Variants in ASB5 observed in about 807,000 individuals in gnomAD.
ASB5 encodes ankyrin repeat and SOCS box protein 5.
ASB5 carries 45 observed loss-of-function variants against 42.1 expected under a neutral mutation model. That is an observed-to-expected ratio of 1.07 (90% CI 0.84 to 1.37). The LOEUF is 1.37. Ranked by LOEUF, ASB5 falls within the 40% of genes most tolerant of loss-of-function variation. The probability of loss-of-function intolerance (pLI) is 0.00; values close to 1 mark genes in which losing one functional copy is unlikely to be tolerated. For synonymous variants in ASB5, 147 were observed against 150.6 expected (o/e 0.98, Z 0.18); for missense variants, 402 against 399.8 (o/e 1.01, Z -0.05).
At chr4:176,264,858 C>T (rs769566768) in intron 1 of ASB5, among the ~76,000 whole-genome samples, 2 of 152,096 alleles carry the variant, frequency 1.3e-5, no homozygotes, top group Non-Finnish European at 2.9e-5. Context: ...ATGCTATTTA[C>T]AGGCATCATC....
Position 176,217,028 on chromosome 4 carries a change from GAAGAT to G in ASB5, c.671-24_671-20del, listed in dbSNP as rs1752991168. 3 of 1,551,886 alleles carry G rather than the reference GAAGAT, an allele frequency of 1.9e-6. No individual in the cohort carries two copies. Among genetic ancestry groups the G allele is most frequent in the Non-Finnish European group, 2.6e-6 (3 of 1,148,406 alleles). On this transcript the variant is annotated intron_variant, in intron 5 of 6. Coordinates refer to ENST00000296525, the MANE Select transcript of ASB5 (RefSeq NM_080874.4). ...TCAGCACCTACATGTAATACGGAGT[GAAGAT>G]AAATATAAATAAAAGTTGTTAAATA...
chr4:176,224,514 C>T (rs374653847), intron 2 of ASB5, among the ~76,000 whole-genome samples: 3 of 146,800 alleles, frequency 2.0e-5, no homozygotes, highest in African/African-American at 7.6e-5. Flanking sequence ...GAATTACAGG[C>T]GTGAGCCACT....
chr4:176,245,774 A>G (rs113475236), intron 1 of ASB5, among the ~76,000 whole-genome samples: 2,100 of 152,244 alleles, frequency 0.014, 47 homozygotes, highest in African/African-American at 0.048. Context: ...GGAAACCATC[A>G]TTCTGAGCAA....
rs1168531250 is a variant in ASB5 at position 176,225,353 on chromosome 4, G to GA, written c.197-13dup. On this transcript the variant is annotated splice_polypyrimidine_tract_variant and intron_variant, in intron 1 of 6. Transcript: ENST00000296525. ...ATCTGCCCAGGAACCTGTCAAAAAA[G>GA]AAAAAAAGAAAGAAAAGAAAACAAA... 1 of 1,606,088 alleles carries GA rather than the reference G, an allele frequency of 6.2e-7. No individual in the cohort carries two copies. Among genetic ancestry groups the GA allele is most frequent in the Non-Finnish European group, 8.5e-7 (1 of 1,177,268 alleles).
chr4:176,218,201 AATATATATATTTGTATGATATAAAT>A (rs1561249943), intron 5 of ASB5, among the ~76,000 whole-genome samples: 8,359 of 72,098 alleles, frequency 0.12, 3,134 homozygotes, highest in Non-Finnish European at 0.13. Flanking sequence ...ATGATATATA[AATATATATATTTGTATGATATAAAT>A]ATATATATAT....
chr4:176,263,693 C>T (rs934287532), intron 1 of ASB5, among the ~76,000 whole-genome samples: 5 of 152,068 alleles, frequency 3.3e-5, no homozygotes, highest in Non-Finnish European at 7.4e-5. Context: ...TACAGATTTG[C>T]TACAGATTCT....
At chr4:176,275,018 G>A (rs925986693) in intron 2 of ASB5, among the ~76,000 whole-genome samples, 2 of 149,052 alleles carry the variant, frequency 1.3e-5, no homozygotes, top group Non-Finnish European at 3.0e-5. Flanking sequence ...AGGTTCAAGC[G>A]ATTCTCCTGC....
rs546265071 is a variant in ASB5 at position 176,254,926 on chromosome 4, T to C, written c.196+13987A>G. On this transcript the variant is annotated intron_variant, in intron 1 of 6. Coordinates refer to ENST00000296525, the MANE Select transcript of ASB5 (RefSeq NM_080874.4). ...GCGAGTGGATCACGAGGTCAGGCGT[T>C]TGAGACCAGCCTGACCAACATGGTG... 1.3e-4 allele frequency among the ~76,000 whole-genome samples: 20 copies of C among 152,242 alleles called. No homozygotes were observed. The Middle Eastern group carries it at 0.017, about 129-fold the overall frequency.
At chr4:176,228,619 T>C (rs1753442180) in intron 1 of ASB5, among the ~76,000 whole-genome samples, 1 of 152,214 alleles carries the variant, frequency 6.6e-6, no homozygotes. Flanking sequence ...GATTAGCTTT[T>C]ATGTATTACT....
At chr4:176,227,384 T>G (rs539737480) in intron 1 of ASB5, among the ~76,000 whole-genome samples, 1 of 152,344 alleles carries the variant, frequency 6.6e-6, no homozygotes, top group African/African-American at 2.4e-5. Context: ...GAAAATTCTG[T>G]AATATTACCA....
intron 2 of ASB5, among the ~76,000 whole-genome samples, chr4:176,223,148 T>C (rs1753272588): frequency 6.6e-6 from 1 of 152,210 alleles, no homozygotes. Context: ...TAAACTATAG[T>C]AAACAGTTTT....
intron 1 of ASB5, among the ~76,000 whole-genome samples, chr4:176,231,081 C>T (rs1186730756): frequency 6.6e-6 from 1 of 152,128 alleles, no homozygotes; most frequent in Admixed American, 6.5e-5. Context: ...GAGAGCCTGC[C>T]CTGTTTTGTA....
At chr4:176,258,289 C>T (rs965640804) in intron 1 of ASB5, among the ~76,000 whole-genome samples, 9 of 152,160 alleles carry the variant, frequency 5.9e-5, no homozygotes, top group Non-Finnish European at 1.3e-4. Flanking sequence ...AAGCAACTTT[C>T]CTGAGATCAC....
intron 5 of ASB5, among the ~76,000 whole-genome samples, chr4:176,220,640 A>T (rs1753177338): frequency 1.3e-5 from 2 of 152,168 alleles, no homozygotes; most frequent in South Asian, 4.1e-4. Context: ...TGAGGAATTG[A>T]TTTGTTTCAA....
At chr4:176,277,384 G>A (rs974403776) in exon 1 of ASB5, 3 of 152,192 alleles carry the variant, frequency 2.0e-5, no homozygotes, top group African/African-American at 7.2e-5. Context: ...TGAGGACTGT[G>A]CTGTCATAGT....
At position 176,221,550 on chromosome 4, in the gene ASB5, G is replaced by T; in HGVS notation, c.435C>A (p.Ser145=). ...GCTCTGCACAGCTTGGACTGCCTTG[G>T]GAGCATGCGTTGAATAACGGAGTCA... ...DGVTPLFNAC[S]QGSPSCAELL... is the part of the protein sequence containing the mutation. Residue 145 remains serine (S), a synonymous_variant, in exon 4 of 7, where the codon TCC becomes TCA. Coordinates refer to ENST00000296525, the MANE Select transcript of ASB5 (RefSeq NM_080874.4). 1 of 1,613,868 alleles carries T rather than the reference G, an allele frequency of 6.2e-7. No individual in the cohort carries two copies. Among genetic ancestry groups the T allele is most frequent in the Admixed American group, 1.7e-5 (1 of 60,006 alleles).
chr4:176,247,280 T>G (rs1753930702), intron 1 of ASB5, among the ~76,000 whole-genome samples: 1 of 152,178 alleles, frequency 6.6e-6, no homozygotes, highest in African/African-American at 2.4e-5. Flanking sequence ...AATAAATGAT[T>G]TATAGGTTCA....
At chr4:176,253,197 G>A (rs959815889) in intron 1 of ASB5, among the ~76,000 whole-genome samples, 2 of 151,986 alleles carry the variant, frequency 1.3e-5, no homozygotes, top group Admixed American at 1.3e-4. Context: ...ATATATACTG[G>A]AAAAACAACT....
chr4:176,276,981 A>G (rs1401691133), intron 1 of ASB5, among the ~76,000 whole-genome samples: 3 of 152,108 alleles, frequency 2.0e-5, no homozygotes, highest in Non-Finnish European at 4.4e-5. Flanking sequence ...CTTCAGAAGA[A>G]CTAGTTGCTC....
Sources: allele counts gnomAD v4.1 joint callset (sites outside exome capture counted in the v4.1 genomes callset), GRCh38; gene constraint gnomAD v4.1.1; transcripts MANE v1.5; gene names NCBI Gene and HGNC (gene_info 2026-07-23, HGNC 2026-07-21).